The following MAST4 variants were observed in gnomAD, a reference collection of about 807,000 sequenced individuals.
The protein encoded by MAST4 is microtubule associated serine/threonine kinase family member 4.
In MAST4, 89 loss-of-function variants were observed where a neutral mutation model predicts 162.7. That is an observed-to-expected ratio of 0.55 (90% CI 0.46 to 0.65). The LOEUF is 0.65. Ranked by LOEUF, MAST4 falls within the 30% of genes least tolerant of loss-of-function variation. The pLI, the probability that MAST4 is intolerant of heterozygous loss-of-function variation, is 0.00. For synonymous variants in MAST4, 1,479 were observed against 1,361.1 expected (o/e 1.09, Z -1.91); for missense variants, 3,153 against 3,374.0 (o/e 0.93, Z 1.62).
rs1294628353 is a variant in MAST4, at chr5:67,064,920, C to CA, written c.763+10435dup. Among the ~76,000 whole-genome samples, 13 of 151,960 alleles carry CA rather than the reference C, an allele frequency of 8.6e-5. No homozygotes were observed. In the South Asian group the frequency reaches 1.2e-3, roughly 15 times the overall value. ...TAATCTTTTTAGTATCAAATTTTGTCAAAAAAATACAATTGGAAATTAAAA... is the reference window on the plus strand; with the variant it reads ...TAATCTTTTTAGTATCAAATTTTGTCAAAAAAAATACAATTGGAAATTAAAA... On this transcript the variant is annotated intron_variant, in intron 5 of 28. Coordinates refer to ENST00000403625, the MANE Select transcript of MAST4 (RefSeq NM_001164664.2).
chr5:67,004,817 C>G, intron 4 of MAST4: 2 of 586,402 alleles, frequency 3.4e-6, no homozygotes, highest in African/African-American at 1.9e-5. Flanking sequence ...GGGTACTTCT[C>G]AGACATGCTC....
intron 3 of MAST4, among the ~76,000 whole-genome samples, chr5:66,798,279 C>T (rs549300890): frequency 6.6e-6 from 1 of 152,254 alleles, no homozygotes; most frequent in South Asian, 2.1e-4. Context: ...TCTACTAAAT[C>T]TTTTATTGTT....
chr5:67,076,840 A>C (rs1380076583), intron 5 of MAST4, among the ~76,000 whole-genome samples: 1 of 152,232 alleles, frequency 6.6e-6, no homozygotes, highest in Non-Finnish European at 1.5e-5. Flanking sequence ...CCAGATGAGC[A>C]GCAGCATCCA....
At chr5:66,600,763 G>T (rs921159608) in intron 1 of MAST4, among the ~76,000 whole-genome samples, 5 of 152,160 alleles carry the variant, frequency 3.3e-5, no homozygotes, top group African/African-American at 1.2e-4. Context: ...AATCATTGAG[G>T]TTTCACTCAG....
intron 1 of MAST4, among the ~76,000 whole-genome samples, chr5:66,619,342 C>G (rs1384593295): frequency 6.6e-6 from 1 of 152,082 alleles, no homozygotes; most frequent in Admixed American, 6.6e-5. Context: ...TTCACTCACT[C>G]GGAGCTGTCA....
intron 3 of MAST4, among the ~76,000 whole-genome samples, chr5:66,868,281 T>C (rs914106834): frequency 6.6e-6 from 1 of 152,056 alleles, no homozygotes; most frequent in African/African-American, 2.4e-5. Flanking sequence ...AGGATCTCCC[T>C]ATAGTGAAGA....
chr5:67,049,027 A>ATATATACACG, intron 4 of MAST4, among the ~76,000 whole-genome samples: 1 of 84,032 alleles, frequency 1.2e-5, no homozygotes, highest in South Asian at 4.1e-4. Context: ...ATATACGTAT[A>ATATATACACG]TATATATATA....
At chr5:66,792,477 G>T (rs1314454188) in intron 3 of MAST4, 1 of 162,138 alleles carries the variant, frequency 6.2e-6, no homozygotes, top group African/African-American at 2.4e-5. Context: ...TCAGGACAAT[G>T]CCTTGCACAT....
chr5:66,707,062 T>C (rs1344160043), intron 1 of MAST4, among the ~76,000 whole-genome samples: 1 of 152,186 alleles, frequency 6.6e-6, no homozygotes, highest in Non-Finnish European at 1.5e-5. Flanking sequence ...GGGCTCTGTC[T>C]TCTGTCCCTT....
chr5:66,669,929 T>C (rs1013126096), intron 1 of MAST4, among the ~76,000 whole-genome samples: 6 of 152,182 alleles, frequency 3.9e-5, no homozygotes, highest in Non-Finnish European at 7.3e-5. Context: ...ATGAAGCTTA[T>C]CTCCTTAGTG....
rs1410263572 is a variant in MAST4, at chr5:66,670,109, C to T, written c.363+73091C>T. 2.0e-5 allele frequency among the ~76,000 whole-genome samples: 3 copies of T among 152,128 alleles called. No individual in the cohort carries two copies. The East Asian group carries it at 5.8e-4, about 29-fold the overall frequency. ...TTCCAGCGAAGGTGTGGCAATTAAC[C>T]TTTTGCACTGCCTGGTTATAATTTT... is the stretch of plus-strand genomic sequence containing the variant. On this transcript the variant is annotated intron_variant, in intron 1 of 28. Transcript: ENST00000403625.
chr5:67,132,801 T>C (rs546843561), intron 16 of MAST4, among the ~76,000 whole-genome samples: 3 of 152,024 alleles, frequency 2.0e-5, no homozygotes, highest in Admixed American at 6.6e-5. Flanking sequence ...CTACAAAATT[T>C]GAAAAATGCA....
intron 4 of MAST4, among the ~76,000 whole-genome samples, chr5:66,933,655 T>TATGGA (rs1164325174): frequency 6.6e-6 from 1 of 152,170 alleles, no homozygotes; most frequent in Non-Finnish European, 1.5e-5. Context: ...GCCTGACACT[T>TATGGA]GTTCATTATG....
At chr5:66,625,822 A>G (rs755870231) in intron 1 of MAST4, among the ~76,000 whole-genome samples, 1 of 152,234 alleles carries the variant, frequency 6.6e-6, no homozygotes, top group Non-Finnish European at 1.5e-5. Flanking sequence ...CAGGATCATA[A>G]AGAGATACTT....
intron 4 of MAST4, among the ~76,000 whole-genome samples, chr5:67,014,767 C>T (rs938354332): frequency 3.9e-5 from 6 of 152,198 alleles, no homozygotes; most frequent in Non-Finnish European, 5.9e-5. Context: ...ACCAGCATAG[C>T]CATGGCCAAA....
chr5:66,761,995 ATTAT>A (rs1753872243), intron 2 of MAST4, among the ~76,000 whole-genome samples: 1 of 152,218 alleles, frequency 6.6e-6, no homozygotes, highest in Non-Finnish European at 1.5e-5. Context: ...AGGGGCAGTA[ATTAT>A]TCTATCCATT....
At position 67,131,961 on chromosome 5, in the gene MAST4, C is replaced by G; in HGVS notation, c.2093+10C>G. On this transcript the variant is annotated intron_variant, in intron 16 of 28. Transcript: ENST00000403625. ...ATTTGAAACCAGACAAGTATGTACA[C>G]AAATGAAATATATGTCTTCTTTTGC... The G allele has an allele frequency of 3.1e-6, 5 of 1,609,202 alleles. No homozygotes were observed. The highest frequency in any genetic ancestry group is 4.2e-6 in the Non-Finnish European group (5 of 1,177,286).
chr5:66,807,219 G>A (rs1034782171), intron 3 of MAST4, among the ~76,000 whole-genome samples: 3 of 152,192 alleles, frequency 2.0e-5, no homozygotes, highest in Admixed American at 1.3e-4. Context: ...ACAATTGGCC[G>A]GGTGCGGTGG....
chr5:66,657,724 A>G (rs1561242688), intron 1 of MAST4, among the ~76,000 whole-genome samples: 1 of 152,116 alleles, frequency 6.6e-6, no homozygotes, highest in Non-Finnish European at 1.5e-5. Context: ...CTTTCTTCCT[A>G]CTTTGCTGCC....
Sources: gnomAD v4.1 joint callset for allele counts (sites outside exome capture counted in the v4.1 genomes callset) on GRCh38, gnomAD v4.1.1 for gene constraint, MANE v1.5 for transcripts, NCBI Gene and HGNC (gene_info 2026-07-23, HGNC 2026-07-21) for gene names.